SEMA5B: variants seen among roughly 807,000 people sequenced by gnomAD.
SEMA5B encodes semaphorin 5B.
SEMA5B carries 66 observed loss-of-function variants against 135.0 expected under a neutral mutation model. The ratio of observed to expected loss-of-function variants is 0.49; its 90% CI spans 0.40 to 0.60. The LOEUF is 0.60. Among genes scored for constraint, SEMA5B ranks in the 20% least tolerant of loss-of-function variants. The probability of loss-of-function intolerance (pLI) is 0.00; values close to 1 mark genes in which losing one functional copy is unlikely to be tolerated. For synonymous variants in SEMA5B, 690 were observed against 639.5 expected (o/e 1.08, Z -1.19); for missense variants, 1,501 against 1,566.3 (o/e 0.96, Z 0.70).
intron 4 of SEMA5B, among the ~76,000 whole-genome samples, 185 bp downstream of exon 4, chr3:122,943,251 C>G (rs1233011197): frequency 1.3e-5 from 2 of 152,136 alleles, no homozygotes; most frequent in Admixed American, 1.3e-4. Flanking sequence ...GAGTCACCCC[C>G]ACCCCCACCC....
At chr3:122,926,892 A>C (rs757348169) in intron 8 of SEMA5B, among the ~76,000 whole-genome samples, 1 of 152,142 alleles carries the variant, frequency 6.6e-6, no homozygotes, top group Non-Finnish European at 1.5e-5. Flanking sequence ...CCCACCTCTC[A>C]CTGGGTGCCA....
chr3:122,925,523 C>G (rs1938580415), intron 9 of SEMA5B, among the ~76,000 whole-genome samples: 1 of 151,872 alleles, frequency 6.6e-6, no homozygotes, highest in Non-Finnish European at 1.5e-5. Flanking sequence ...AAAAAATTAG[C>G]CAGGCATGGT....
At position 122,929,030 on chromosome 3, in the gene SEMA5B, G is replaced by C; in HGVS notation, c.503C>G (p.Thr168Arg). The change falls in exon 6 of 23, where the codon ACG (threonine) becomes AGG (arginine). Residue 168 changes from threonine (T) to arginine (R), a missense_variant. Thr to Arg is a moderately conservative substitution (Grantham distance 71). Coordinates refer to ENST00000357599, the MANE Select transcript of SEMA5B (RefSeq NM_001031702.4). ...QATEWASSED[T>R]RRSCQSKGKT... is the part of the protein sequence containing the mutation. ...CCCTTTGCTTTGGCAGGAGCGGCGC[G>C]TGTCCTCACTGGAGGCCCACTCTGT... 1 of 1,612,218 alleles carries C rather than the reference G, an allele frequency of 6.2e-7. No individual in the cohort carries two copies. Among genetic ancestry groups the C allele is most frequent in the Non-Finnish European group, 8.5e-7 (1 of 1,180,018 alleles).
intron 1 of SEMA5B, among the ~76,000 whole-genome samples, chr3:122,989,421 T>G (rs762049493): frequency 3.9e-5 from 6 of 152,196 alleles, no homozygotes; most frequent in Non-Finnish European, 8.8e-5. Context: ...AACCTTCCCC[T>G]CATAGTCGAC....
chr3:123,002,541 A>G (rs2107762984), intron 1 of SEMA5B, among the ~76,000 whole-genome samples: 1 of 152,330 alleles, frequency 6.6e-6, no homozygotes, highest in South Asian at 2.1e-4. Context: ...CCAATTAACT[A>G]AGTGAGAAGC....
At chr3:122,911,116 G>C (rs1297950904) in intron 21 of SEMA5B, 71 bp from the exon 22 acceptor site, 1 of 1,357,284 alleles carries the variant, frequency 7.4e-7, no homozygotes, top group Non-Finnish European at 1.0e-6. Context: ...TGCCTCCCTG[G>C]GAGCAGAAAC....
intron 12 of SEMA5B, among the ~76,000 whole-genome samples, chr3:122,919,300 T>A (rs1214344872): frequency 6.6e-6 from 1 of 152,170 alleles, no homozygotes; most frequent in Admixed American, 6.5e-5. Flanking sequence ...GTGAAAGGCA[T>A]GCTGGAAGGA....
At chr3:122,967,665 C>G (rs886204070) in intron 1 of SEMA5B, among the ~76,000 whole-genome samples, 1 of 152,206 alleles carries the variant, frequency 6.6e-6, no homozygotes, top group Non-Finnish European at 1.5e-5. Flanking sequence ...CTCGTGGGAT[C>G]ATGAGATCGT....
chr3:122,915,606 G>T lies in SEMA5B; in HGVS notation c.1822C>A (p.Arg608=). The part of the protein sequence containing the change: ...ITACPVRNVT[R]DGGFGPWSPW... ...GACCATGGGCCGAAGCCCCCATCCC[G>T]TGTCACATTCCGCACCTGAAGACAC... The change falls in exon 14 of 23, where the codon CGG becomes AGG. Residue 608 remains arginine (R), a synonymous_variant. Coordinates refer to ENST00000357599, the MANE Select transcript of SEMA5B (RefSeq NM_001031702.4). 2 of 1,612,410 alleles carry T rather than the reference G, an allele frequency of 1.2e-6. No individual in the cohort carries two copies. The highest frequency in any genetic ancestry group is 1.1e-5 in the South Asian group (1 of 90,898).
At chr3:122,979,384 C>T (rs1480387011) in intron 1 of SEMA5B, among the ~76,000 whole-genome samples, 2 of 152,230 alleles carry the variant, frequency 1.3e-5, no homozygotes, top group Non-Finnish European at 2.9e-5. Flanking sequence ...AACACTTTCA[C>T]ATCCTCCCAA....
intron 1 of SEMA5B, among the ~76,000 whole-genome samples, chr3:122,967,200 A>T (rs1940892940): frequency 6.6e-6 from 1 of 152,150 alleles, no homozygotes; most frequent in African/African-American, 2.4e-5. Flanking sequence ...AATGTTTATT[A>T]TAATAAGCCT....
intron 12 of SEMA5B, among the ~76,000 whole-genome samples, chr3:122,916,273 A>G (rs1938072789): frequency 6.6e-6 from 1 of 152,222 alleles, no homozygotes; most frequent in Non-Finnish European, 1.5e-5. Context: ...TGTGGTTAAC[A>G]GGAACCCAAA....
At chr3:122,917,678 C>T (rs756128055) in intron 12 of SEMA5B, among the ~76,000 whole-genome samples, 10 of 152,128 alleles carry the variant, frequency 6.6e-5, no homozygotes, top group Admixed American at 3.3e-4. Context: ...CTCATATAAG[C>T]GAGGCAATCA....
intron 1 of SEMA5B, among the ~76,000 whole-genome samples, chr3:122,978,770 G>T (rs912684581): frequency 2.5e-4 from 38 of 152,142 alleles, no homozygotes; most frequent in African/African-American, 8.9e-4. Context: ...GAGTAAATAG[G>T]TGCTCAATAA....
chr3:122,968,654 C>G (rs1940978288), intron 1 of SEMA5B, among the ~76,000 whole-genome samples: 1 of 152,146 alleles, frequency 6.6e-6, no homozygotes, highest in South Asian at 2.1e-4. Context: ...TTAATAATGT[C>G]TCTGTGGGCA....
At chr3:122,911,582 A>AG (rs746750414) in intron 20 of SEMA5B, 47 bp from the exon 21 acceptor site, 2 of 1,578,514 alleles carry the variant, frequency 1.3e-6, no homozygotes, top group East Asian at 4.5e-5. Context: ...AGACGAGAGG[A>AG]GGGGGGCCCT....
chr3:122,967,138 G>T (rs546102804), intron 1 of SEMA5B, among the ~76,000 whole-genome samples: 17 of 152,134 alleles, frequency 1.1e-4, no homozygotes, highest in African/African-American at 4.1e-4. Context: ...GCCTGACTCG[G>T]CCTCCCAAAG....
At chr3:122,914,641 A>G (rs1183131004) in intron 14 of SEMA5B, among the ~76,000 whole-genome samples, 1 of 152,212 alleles carries the variant, frequency 6.6e-6, no homozygotes, top group Non-Finnish European at 1.5e-5. Flanking sequence ...AGTTTTTTTA[A>G]GAGTGTCCAA....
Position 122,913,648 on chromosome 3 carries a change from G to A in SEMA5B, c.2166C>T (p.Pro722=). The stretch of plus-strand genomic sequence containing the variant: ...AGGAGCCCCAGGAAGCCCAGAAGAT[G>A]GGCACCGGGCAAGGCGTGTTCTCAT... The part of the protein sequence containing the change: ...FCNENTPCPV[P]IFWASWGSWS... The change falls in exon 16 of 23, where the codon CCC becomes CCT. Residue 722 remains proline, a synonymous_variant. Transcript: ENST00000357599. The A allele has an allele frequency of 1.2e-6, 2 of 1,613,678 alleles. No homozygotes were observed. The highest frequency in any genetic ancestry group is 1.7e-6 in the Non-Finnish European group (2 of 1,179,996).
Sources: allele counts gnomAD v4.1 joint callset (sites outside exome capture counted in the v4.1 genomes callset), GRCh38; gene constraint gnomAD v4.1.1; transcripts MANE v1.5; gene names NCBI Gene and HGNC (gene_info 2026-07-23, HGNC 2026-07-21).